Variants in FRMD5 observed in about 807,000 individuals in gnomAD.
FRMD5 encodes FERM domain-containing protein 5.
Under a neutral mutation model 69.0 loss-of-function variants are expected in FRMD5, and 20 were observed. The ratio of observed to expected loss-of-function variants is 0.29; its 90% CI spans 0.20 to 0.42. The LOEUF (loss-of-function observed/expected upper bound fraction) is 0.42, where lower values mean the gene tolerates loss of function less well. FRMD5 is among the 10% of genes least tolerant of loss of function. The probability of loss-of-function intolerance (pLI) is 1.00; values close to 1 mark genes in which losing one functional copy is unlikely to be tolerated. For missense variants in FRMD5, 595 were observed against 708.6 expected, an observed-to-expected ratio of 0.84 and a Z score of 1.82; for synonymous variants, 271 against 260.1, an observed-to-expected ratio of 1.04 and a Z score of -0.40.
At chr15:43,879,834 G>A (rs145172504) in intron 13 of FRMD5, 66 of 394,342 alleles carry the variant, frequency 1.7e-4, no homozygotes, top group African/African-American at 1.2e-3. Context: ...AGTGCCTCGC[G>A]TGTTGCAGGG....
At position 44,002,629 on chromosome 15, in the gene FRMD5, T is replaced by G. The variant is rs185230143; in HGVS notation, c.103-78320A>C. On this transcript the variant is annotated intron_variant, in intron 1 of 13. Transcript: ENST00000417257. The stretch of plus-strand genomic sequence containing the variant: ...AGGGGGTATGTGACTGGGGGCTGCA[T>G]GCACTGGTAATTGGAATGGAACAGA... Among the ~76,000 whole-genome samples the G allele has an allele frequency of 6.3e-4, 96 of 152,254 alleles. No homozygotes were observed. The East Asian group carries it at 0.012, about 19-fold the overall frequency.
intron 1 of FRMD5, among the ~76,000 whole-genome samples, chr15:44,080,380 A>C (rs1378582594): frequency 6.6e-6 from 1 of 152,058 alleles, no homozygotes; most frequent in Non-Finnish European, 1.5e-5. Context: ...CCTGAATTCT[A>C]CATTTGCAAC....
intron 1 of FRMD5, among the ~76,000 whole-genome samples, chr15:43,956,980 T>A (rs189915395): frequency 6.6e-6 from 1 of 152,330 alleles, no homozygotes; most frequent in Admixed American, 6.5e-5. Flanking sequence ...CTTTTATAGA[T>A]AATATCCACA....
intron 7 of FRMD5, chr15:43,901,798 A>T (rs2089051769): frequency 4.7e-6 from 1 of 213,874 alleles, no homozygotes; most frequent in South Asian, 8.3e-5. Context: ...AATAAAACCC[A>T]CTCTCGGAAA....
At chr15:44,126,748 T>C (rs1225433040) in intron 1 of FRMD5, among the ~76,000 whole-genome samples, 1 of 152,212 alleles carries the variant, frequency 6.6e-6, no homozygotes, top group East Asian at 1.9e-4. Context: ...TCCTTTTGGC[T>C]CTCATACGTT....
At chr15:44,002,449 C>T (rs1025157711) in intron 1 of FRMD5, among the ~76,000 whole-genome samples, 6 of 152,072 alleles carry the variant, frequency 3.9e-5, no homozygotes, top group African/African-American at 1.5e-4. Flanking sequence ...CCTCAGACAC[C>T]GAGTTGTGAA....
intron 1 of FRMD5, among the ~76,000 whole-genome samples, chr15:44,148,438 A>AT (rs1321598522): frequency 6.6e-6 from 1 of 151,968 alleles, no homozygotes; most frequent in Non-Finnish European, 1.5e-5. Flanking sequence ...CGCCCGGCTA[A>AT]TTTTTTGTAT....
At chr15:44,002,947 A>T (rs1351728197) in intron 1 of FRMD5, among the ~76,000 whole-genome samples, 1 of 151,922 alleles carries the variant, frequency 6.6e-6, no homozygotes, top group Non-Finnish European at 1.5e-5. Context: ...TATTATCCTC[A>T]CTTTACTTAT....
At chr15:44,130,918 GTAAA>G (rs1253319463) in intron 1 of FRMD5, among the ~76,000 whole-genome samples, 1 of 152,114 alleles carries the variant, frequency 6.6e-6, no homozygotes, top group Non-Finnish European at 1.5e-5. Context: ...CAAAAAATAA[GTAAA>G]TAAATAAATA....
At chr15:43,888,132 C>G (rs1020509238) in intron 10 of FRMD5, 43 bp downstream of exon 10, 4 of 1,473,820 alleles carry the variant, frequency 2.7e-6, no homozygotes, top group Non-Finnish European at 2.8e-6. Flanking sequence ...CTCTCTGACT[C>G]TGGCTCTAAG....
At position 43,951,264 on chromosome 15, in the gene FRMD5, C is replaced by CA. The variant is rs199850303; in HGVS notation, c.103-26956dup. Among the ~76,000 whole-genome samples, 1,225 of 151,146 alleles carry CA rather than the reference C, an allele frequency of 8.1e-3. 19 individuals are homozygous for CA. The highest frequency in any genetic ancestry group is 0.028 in the African/African-American group (1,175 of 41,244). On this transcript the variant is annotated intron_variant, in intron 1 of 13. Transcript: ENST00000417257. Reference sequence around the variant, plus strand: ...TGAAACCCTGTCTGTACTGAAAATACAAAAAAAATTACCCGGGCATGGTGG... The same window carrying CA: ...TGAAACCCTGTCTGTACTGAAAATACAAAAAAAAATTACCCGGGCATGGTGG...
At chr15:43,967,510 C>A (rs1054286414) in intron 1 of FRMD5, among the ~76,000 whole-genome samples, 4 of 152,136 alleles carry the variant, frequency 2.6e-5, no homozygotes, top group African/African-American at 4.8e-5. Context: ...GGCTTATAGG[C>A]ATGAGCCACC....
intron 1 of FRMD5, among the ~76,000 whole-genome samples, chr15:44,000,787 A>G (rs1289506761): frequency 6.6e-6 from 1 of 151,086 alleles, no homozygotes; most frequent in Non-Finnish European, 1.5e-5. Flanking sequence ...TTTTTGAGGA[A>G]CCTCCATACT....
chr15:44,125,974 G>C (rs548855972), intron 1 of FRMD5, among the ~76,000 whole-genome samples: 1 of 152,068 alleles, frequency 6.6e-6, no homozygotes, highest in Non-Finnish European at 1.5e-5. Context: ...TAGTCTTATC[G>C]GTAAATTCTA....
chr15:44,037,469 CTTTT>C (rs777164587), intron 1 of FRMD5, among the ~76,000 whole-genome samples: 135 of 137,544 alleles, frequency 9.8e-4, no homozygotes, highest in African/African-American at 3.2e-3. Context: ...TGTCTTTTCT[CTTTT>C]TTTTTTTTTT....
chr15:43,958,936 A>C (rs1057283629), intron 1 of FRMD5, among the ~76,000 whole-genome samples: 10 of 152,136 alleles, frequency 6.6e-5, no homozygotes, highest in Non-Finnish European at 1.3e-4. Flanking sequence ...TCTGCTGGCC[A>C]TTTGTGTCAT....
At chr15:44,153,185 T>C (rs1165809113) in intron 1 of FRMD5, among the ~76,000 whole-genome samples, 3 of 152,116 alleles carry the variant, frequency 2.0e-5, no homozygotes. Flanking sequence ...ATAATTACCA[T>C]ATGGTCCAGC....
intron 1 of FRMD5, among the ~76,000 whole-genome samples, chr15:43,941,440 A>G (rs139676110): frequency 5.1e-4 from 78 of 152,294 alleles, no homozygotes; most frequent in African/African-American, 1.8e-3. Flanking sequence ...TCTTTAAAGC[A>G]AGTTTTAGAT....
chr15:44,051,130 A>G (rs1202655595), intron 1 of FRMD5, among the ~76,000 whole-genome samples: 1 of 125,054 alleles, frequency 8.0e-6, no homozygotes, highest in East Asian at 2.3e-4. Flanking sequence ...TACTGTATAC[A>G]TTCAGTCACT....
Sources: gnomAD v4.1 joint callset for allele counts (sites outside exome capture counted in the v4.1 genomes callset) on GRCh38, gnomAD v4.1.1 for gene constraint, MANE v1.5 for transcripts, NCBI Gene and HGNC (gene_info 2026-07-23, HGNC 2026-07-21) for gene names.